Variants in COL16A1 observed in about 807,000 individuals in gnomAD.
COL16A1 encodes collagen alpha-1(XVI) chain.
COL16A1 carries 189 observed loss-of-function variants against 266.3 expected under a neutral mutation model. The ratio of observed to expected loss-of-function variants is 0.71; its 90% CI spans 0.63 to 0.80. The LOEUF (loss-of-function observed/expected upper bound fraction) is 0.80, where lower values mean the gene tolerates loss of function less well. Among genes scored for constraint, COL16A1 ranks in the 30% least tolerant of loss-of-function variants. The pLI, the probability that COL16A1 is intolerant of heterozygous loss-of-function variation, is 0.00. For synonymous variants in COL16A1, 740 were observed against 782.3 expected (o/e 0.95, Z 0.90); for missense variants, 1,928 against 2,122.4 (o/e 0.91, Z 1.80).
intron 11 of COL16A1, 145 bp downstream of exon 11, chr1:31,695,041 C>T: frequency 1.2e-6 from 1 of 832,118 alleles, no homozygotes; most frequent in Non-Finnish European, 2.0e-6. Flanking sequence ...GGGGTTAAGC[C>T]CGGCTCTGGG....
chr1:31,676,082 T>C (rs1446889518), intron 42 of COL16A1, among the ~76,000 whole-genome samples: 5 of 151,566 alleles, frequency 3.3e-5, no homozygotes, highest in African/African-American at 4.9e-5. Context: ...CGTAGCACTT[T>C]GGGAGGCCGA....
At chr1:31,667,523 T>C in intron 52 of COL16A1, 52 bp downstream of exon 52, 1 of 1,485,502 alleles carries the variant, frequency 6.7e-7, no homozygotes, top group Non-Finnish European at 9.2e-7. Flanking sequence ...AGCCCGAGAC[T>C]GTGTGGCTCC....
In COL16A1 at chr1:31,702,096, C is replaced by T. The variant is rs1439654727; in HGVS notation, c.73+25G>A. ...GGATACCAGTTGCAGGCCTGTGATA[C>T]TGTGACTCTCCTGTGTCATCTCACC... On this transcript the variant is annotated intron_variant, in intron 2 of 70. Coordinates refer to ENST00000373672, the MANE Select transcript of COL16A1 (RefSeq NM_001856.4). The T allele has an allele frequency of 2.5e-6, 4 of 1,613,962 alleles. No homozygotes were observed. The South Asian group carries it at 4.4e-5, about 18-fold the overall frequency.
At chr1:31,660,948 G>C (rs1401628123) in intron 61 of COL16A1, 118 bp downstream of exon 61, 1 of 1,174,306 alleles carries the variant, frequency 8.5e-7, no homozygotes, top group Non-Finnish European at 1.2e-6. Context: ...ACCCCTCCCA[G>C]AAGGCTGAGG....
intron 4 of COL16A1, 64 bp downstream of exon 4, chr1:31,699,749 G>A: frequency 9.5e-7 from 1 of 1,050,806 alleles, no homozygotes; most frequent in South Asian, 1.3e-5. Flanking sequence ...CCCCACATCT[G>A]GAGTTGCTGA....
rs1307670853 is a variant in COL16A1 at position 31,684,842 on chromosome 1, C to T, written c.2031G>A (p.Glu677=). 1.9e-6 allele frequency: 3 copies of T among 1,614,156 alleles called. No individual in the cohort carries two copies. Among genetic ancestry groups the T allele is most frequent in the Non-Finnish European group, 2.5e-6 (3 of 1,180,038 alleles). Residue 677 remains glutamate (E), a synonymous_variant, in exon 30 of 71, where the codon GAG becomes GAA. Transcript: ENST00000373672. ...TCACCTTCTGCCCCTTCAGTCCACG[C>T]TCTCCAGCCTTGCCCTGAGGAGAAA... ...GLPGKQGKAG[E]RGLKGQKGDA... is the part of the protein sequence containing the mutation.
chr1:31,660,687 G>A (rs1271499961), intron 61 of COL16A1, 49 bp from the exon 62 acceptor site: 3 of 1,609,828 alleles, frequency 1.9e-6, no homozygotes, highest in Non-Finnish European at 2.5e-6. Context: ...TGACTTGCTT[G>A]CACCATGTGG....
At chr1:31,689,710 A>G in intron 23 of COL16A1, 31 bp downstream of exon 23, 1 of 1,548,672 alleles carries the variant, frequency 6.5e-7, no homozygotes, top group Non-Finnish European at 8.9e-7. Flanking sequence ...GTGTTGGGGG[A>G]GGTCCCTCAA....
At position 31,683,247 on chromosome 1, in the gene COL16A1, C is replaced by T. The variant is rs1298824887; in HGVS notation, c.2416G>A (p.Gly806Arg). 4 of 1,614,062 alleles carry T rather than the reference C, an allele frequency of 2.5e-6. No individual in the cohort carries two copies. The highest frequency in any genetic ancestry group is 3.4e-6 in the Non-Finnish European group (4 of 1,180,046). The change falls in exon 36 of 71, where the codon GGA becomes AGA. Residue 806 changes from glycine (G) to arginine (R), a missense_variant and splice_region_variant. Physicochemically the swap from Gly to Arg is moderately radical, Grantham distance 125. Transcript: ENST00000373672. ...GGTGGTCCCCGAGGTCCCGGAAGTCCCTGCAGATGGAAGCACAGTTAGTTA... is the reference window on the plus strand; with the variant it reads ...GGTGGTCCCCGAGGTCCCGGAAGTCTCTGCAGATGGAAGCACAGTTAGTTA... ...PGAPGLPGIQ[G>R]LPGPRGPPGP... is the part of the protein sequence containing the mutation.
Position 31,680,359 on chromosome 1 carries a change from G to A in COL16A1, c.2611-258C>T, listed in dbSNP as rs373320240. ...GATTCGTGTATGCAGGGGTCCTGTCGCATGGTGATTATTCAGCAAACGATG... is the reference window on the plus strand; with the variant it reads ...GATTCGTGTATGCAGGGGTCCTGTCACATGGTGATTATTCAGCAAACGATG... On this transcript the variant is annotated intron_variant, in intron 39 of 70. Transcript: ENST00000373672. 2.2e-4 allele frequency among the ~76,000 whole-genome samples: 33 copies of A among 152,276 alleles called. 2 individuals carry two copies. The South Asian group carries it at 6.2e-3, about 29-fold the overall frequency.
intron 58 of COL16A1, among the ~76,000 whole-genome samples, 178 bp downstream of exon 58, chr1:31,662,156 A>T (rs550470716): frequency 3.0e-4 from 46 of 152,302 alleles, no homozygotes; most frequent in African/African-American, 1.1e-3. Context: ...CTGGGAAGCC[A>T]AGGGGCTGTG....
chr1:31,655,956 T>G (rs767857415), intron 66 of COL16A1: 2 of 294,868 alleles, frequency 6.8e-6, no homozygotes, highest in Non-Finnish European at 1.3e-5. Context: ...CTGCAGCCTC[T>G]CCGACTCCCC....
chr1:31,655,204 C>T, intron 67 of COL16A1, 110 bp downstream of exon 67: 1 of 1,485,896 alleles, frequency 6.7e-7, no homozygotes, highest in Non-Finnish European at 9.0e-7. Flanking sequence ...TCTATGGGAG[C>T]CAGGCTCTTT....
At chr1:31,692,667 GA>G (rs777476273) in intron 14 of COL16A1, 25 bp from the exon 15 acceptor site, 343 of 1,613,928 alleles carry the variant, frequency 2.1e-4, no homozygotes, top group Non-Finnish European at 2.8e-4. Flanking sequence ...ACAGTGTTGA[GA>G]GGGGCAGAGG....
At position 31,664,547 on chromosome 1, in the gene COL16A1, G is replaced by A. The variant is rs142042781; in HGVS notation, c.3555+625C>T. ...ATCTAGGGAGCCCAGAGGTTGGGCC[G>A]AGACAGGGATGTCAGCCCCAAGCCA... On this transcript the variant is annotated intron_variant, in intron 56 of 70. Coordinates refer to ENST00000373672, the MANE Select transcript of COL16A1 (RefSeq NM_001856.4). This position sits in a 1 kb window ranked among gnomAD's most constrained non-coding sequence, Gnocchi z 5.5. Among the ~76,000 whole-genome samples, 426 of 152,248 alleles carry A rather than the reference G, an allele frequency of 2.8e-3. No homozygotes were observed. Among genetic ancestry groups the A allele is most frequent in the African/African-American group, 9.9e-3 (413 of 41,536 alleles).
In COL16A1 at chr1:31,670,749, T is replaced by C; in HGVS notation, c.3151-103A>G. 1 of 951,936 alleles carries C rather than the reference T, an allele frequency of 1.1e-6. No individual in the cohort carries two copies. The highest frequency in any genetic ancestry group is 1.4e-6 in the Non-Finnish European group (1 of 695,000). The allele number at this position is 951,936 out of a possible 1,614,324, so 59.0% of individuals were successfully genotyped here. Reference sequence around the variant, plus strand: ...TGGGGGTCATGGGGAGAGGAGGTCATGGGAGTATTTTCAAGGCAGCTGGAA... The same window carrying C: ...TGGGGGTCATGGGGAGAGGAGGTCACGGGAGTATTTTCAAGGCAGCTGGAA... On this transcript the variant is annotated intron_variant, in intron 48 of 70. Transcript: ENST00000373672. This position sits in a 1 kb window ranked among gnomAD's most constrained non-coding sequence, Gnocchi z 4.5.
chr1:31,676,521 G>C lies in COL16A1; in HGVS notation c.2773-1210C>G, dbSNP rs139016510. 8.9e-4 allele frequency among the ~76,000 whole-genome samples: 135 copies of C among 152,188 alleles called. 1 individual carries two copies. The highest frequency in any genetic ancestry group is 3.2e-3 in the African/African-American group (131 of 41,518). On this transcript the variant is annotated intron_variant, in intron 42 of 70. Transcript: ENST00000373672. ...AGCAAGGGTGGGTACTTGCCAGTCA[G>C]ATTCATCTAGATACAAAATTCTGAC...
intron 37 of COL16A1, 95 bp downstream of exon 37, chr1:31,682,839 G>A (rs747426025): frequency 2.0e-6 from 3 of 1,492,290 alleles, no homozygotes; most frequent in Middle Eastern, 2.0e-4. Flanking sequence ...CCCCTGTGCT[G>A]CTGGGATGGG....
intron 56 of COL16A1, 168 bp from the exon 57 acceptor site, chr1:31,662,826 T>G: frequency 3.1e-6 from 2 of 652,222 alleles, no homozygotes; most frequent in Non-Finnish European, 5.2e-6. Flanking sequence ...GTGCCACACG[T>G]CGCCTCCCCA....
Sources: allele counts gnomAD v4.1 joint callset (sites outside exome capture counted in the v4.1 genomes callset), GRCh38; gene constraint gnomAD v4.1.1; non-coding constraint Gnocchi (gnomAD v3.1); transcripts MANE v1.5; gene names NCBI Gene and HGNC (gene_info 2026-07-23, HGNC 2026-07-21).